Variants in SMR3B observed in about 807,000 individuals in gnomAD.
SMR3B encodes the protein submaxillary gland androgen regulated protein 3B.
For synonymous variants in SMR3B, 42 were observed against 36.1 expected (o/e 1.16, Z -0.59); for missense variants, 114 against 99.9 (o/e 1.14, Z -0.60).
At chr4:70,385,425 A>G (rs1732642335) in intron 2 of SMR3B, among the ~76,000 whole-genome samples, 1 of 123,344 alleles carries the variant, frequency 8.1e-6, no homozygotes, top group Non-Finnish European at 1.6e-5. Flanking sequence ...TTTTTTTGAA[A>G]CAGACTCTCG....
chr4:70,384,807 T>A, intron 2 of SMR3B: 1 of 583,226 alleles, frequency 1.7e-6, no homozygotes, highest in East Asian at 3.5e-5. Context: ...CAGATACGTA[T>A]AAATGTTAAG....
In SMR3B at chr4:70,389,943, C is replaced by T. The variant is rs760780090; in HGVS notation, c.*95C>T. On this transcript the variant is annotated 3_prime_UTR_variant, in exon 3 of 3. Transcript: ENST00000304915. Reference sequence around the variant, plus strand: ...GGACCTCCATTTTTCCCTGTAAATTCTCCAACTGATCCTACCCTCCCTACT... The same window carrying T: ...GGACCTCCATTTTTCCCTGTAAATTTTCCAACTGATCCTACCCTCCCTACT... 1 of 1,597,778 alleles carries T rather than the reference C, an allele frequency of 6.3e-7. No individual in the cohort carries two copies. The highest frequency in any genetic ancestry group is 1.1e-5 in the South Asian group (1 of 90,678).
chr4:70,390,055 C>A lies in SMR3B; in HGVS notation c.*207C>A. On this transcript the variant is annotated 3_prime_UTR_variant, in exon 3 of 3. Coordinates refer to ENST00000304915, the MANE Select transcript of SMR3B (RefSeq NM_006685.4). ...CCCTTGTAACTACTGCTTCTACTAC[C>A]CAAAATATGAATTCCAACACTGCTT... is the stretch of plus-strand genomic sequence containing the variant. 1 of 967,044 alleles carries A rather than the reference C, an allele frequency of 1.0e-6. No homozygotes were observed. 59.9% of individuals were successfully genotyped at this position (967,044 alleles called of 1,614,324 possible).
At chr4:70,383,817 A>C (rs1285541293) in intron 1 of SMR3B, among the ~76,000 whole-genome samples, 1 of 152,160 alleles carries the variant, frequency 6.6e-6, no homozygotes, top group East Asian at 1.9e-4. Context: ...TGTACTTGAA[A>C]TATATTGTAA....
intron 2 of SMR3B, among the ~76,000 whole-genome samples, chr4:70,388,656 T>C (rs2109762148): frequency 6.6e-6 from 1 of 152,292 alleles, no homozygotes; most frequent in South Asian, 2.1e-4. Context: ...CAGAGACTCA[T>C]TCCACTCATT....
At chr4:70,387,821 T>C (rs1732691398) in intron 2 of SMR3B, among the ~76,000 whole-genome samples, 1 of 152,028 alleles carries the variant, frequency 6.6e-6, no homozygotes, top group Admixed American at 6.5e-5. Context: ...GATAAGACAC[T>C]CAAAAAAGGA....
intron 2 of SMR3B, among the ~76,000 whole-genome samples, chr4:70,387,010 C>T (rs1560528407): frequency 2.0e-5 from 3 of 152,052 alleles, no homozygotes; most frequent in Admixed American, 6.5e-5. Context: ...ATTAGTGATC[C>T]TAATAAAACT....
intron 2 of SMR3B, 30 bp downstream of exon 2, chr4:70,384,594 T>A (rs763878078): frequency 6.4e-7 from 1 of 1,564,654 alleles, no homozygotes; most frequent in Admixed American, 1.9e-5. Context: ...ATCACACTTC[T>A]TTATAGTTTC....
intron 2 of SMR3B, among the ~76,000 whole-genome samples, chr4:70,388,033 G>A (rs1383086275): frequency 1.3e-5 from 2 of 152,186 alleles, no homozygotes; most frequent in African/African-American, 4.8e-5. Flanking sequence ...TTTGTGTCCT[G>A]TGTAAACCAT....
intron 1 of SMR3B, among the ~76,000 whole-genome samples, chr4:70,384,013 T>C (rs1419096000): frequency 1.3e-5 from 1 of 74,378 alleles, no homozygotes; most frequent in Non-Finnish European, 2.7e-5. Flanking sequence ...ACAGGGTGAT[T>C]CCTTTTTTTT....
At chr4:70,385,803 T>C (rs569132686) in intron 2 of SMR3B, among the ~76,000 whole-genome samples, 156 of 152,264 alleles carry the variant, frequency 1.0e-3, no homozygotes, top group African/African-American at 3.6e-3. Flanking sequence ...TTGACATAAT[T>C]TTTAATAAAC....
intron 2 of SMR3B, among the ~76,000 whole-genome samples, chr4:70,387,390 A>G (rs1007322231): frequency 2.0e-5 from 3 of 152,152 alleles, no homozygotes; most frequent in Non-Finnish European, 4.4e-5. Context: ...AGAATTCAGG[A>G]AGGGAGATGC....
At chr4:70,387,331 A>G (rs1239412310) in intron 2 of SMR3B, among the ~76,000 whole-genome samples, 2 of 152,228 alleles carry the variant, frequency 1.3e-5, no homozygotes, top group African/African-American at 4.8e-5. Flanking sequence ...AAAACAAATG[A>G]CTTAGGTTAA....
chr4:70,387,392 G>T (rs1411144090), intron 2 of SMR3B, among the ~76,000 whole-genome samples: 1 of 152,120 alleles, frequency 6.6e-6, no homozygotes, highest in African/African-American at 2.4e-5. Context: ...AATTCAGGAA[G>T]GGAGATGCAA....
intron 2 of SMR3B, among the ~76,000 whole-genome samples, chr4:70,385,311 T>TA (rs1427032827): frequency 6.6e-6 from 1 of 151,990 alleles, no homozygotes; most frequent in East Asian, 1.9e-4. Context: ...CTGTTTTTTT[T>TA]AGATTATGAC....
intron 2 of SMR3B, among the ~76,000 whole-genome samples, chr4:70,389,264 G>T (rs1488198914): frequency 3.3e-5 from 5 of 152,094 alleles, no homozygotes; most frequent in Non-Finnish European, 7.4e-5. Context: ...GCAGCTCAGT[G>T]TCCTTTTTTA....
chr4:70,388,827 T>C (rs1640383988), intron 2 of SMR3B, among the ~76,000 whole-genome samples: 1 of 152,140 alleles, frequency 6.6e-6, no homozygotes, highest in African/African-American at 2.4e-5. Context: ...TTTATTAGTG[T>C]TCAAAGTCTG....
chr4:70,389,729 T>C lies in SMR3B; in HGVS notation c.121T>C (p.Phe41Leu). ...TGGACCGCTGGCTCCTCCTCAACCT[T>C]TTGGCCCAGGATTTGTTCCACCACC... ...PPGPLAPPQP[F>L]GPGFVPPPPP... Residue 41 changes from phenylalanine (F) to leucine (L), a missense_variant, in exon 3 of 3, where the codon TTT becomes CTT. Physicochemically the swap from Phe to Leu is conservative, Grantham distance 22. Transcript: ENST00000304915. 1.9e-6 allele frequency: 3 copies of C among 1,614,096 alleles called. No homozygotes were observed. The highest frequency in any genetic ancestry group is 1.7e-6 in the Non-Finnish European group (2 of 1,180,010).
At chr4:70,384,741 TG>T in intron 2 of SMR3B, 177 bp downstream of exon 2, 1 of 986,568 alleles carries the variant, frequency 1.0e-6, no homozygotes, top group Non-Finnish European at 1.4e-6. Flanking sequence ...TAACCACACA[TG>T]TCTGATGGCT....
Sources: allele counts gnomAD v4.1 joint callset (sites outside exome capture counted in the v4.1 genomes callset), GRCh38; gene constraint gnomAD v4.1.1; transcripts MANE v1.5; gene names NCBI Gene and HGNC (gene_info 2026-07-23, HGNC 2026-07-21).